Variants in CHRNA5 observed in about 807,000 individuals in gnomAD.
CHRNA5 encodes neuronal acetylcholine receptor subunit alpha-5.
A neutral mutation model predicts 41.2 loss-of-function variants in CHRNA5; 28 were observed. That is an observed-to-expected ratio of 0.68 (90% CI 0.50 to 0.93). CHRNA5 has a LOEUF of 0.93. Ranked by LOEUF, CHRNA5 falls within the 40% of genes least tolerant of loss-of-function variation. The pLI, the probability that CHRNA5 is intolerant of heterozygous loss-of-function variation, is 0.00. For synonymous variants in CHRNA5, 188 were observed against 205.8 expected (o/e 0.91, Z 0.74); for missense variants, 481 against 581.9 (o/e 0.83, Z 1.78).
chr15:78,584,449 A>C (rs929447076), intron 2 of CHRNA5, among the ~76,000 whole-genome samples: 1 of 152,066 alleles, frequency 6.6e-6, no homozygotes, highest in African/African-American at 2.4e-5. Flanking sequence ...TCCTCAGTTC[A>C]TTTTTGTTGC....
chr15:78,590,279 T>G (rs758285500), exon 5 of CHRNA5: 2 of 1,614,004 alleles, frequency 1.2e-6, no homozygotes, highest in East Asian at 4.5e-5. Context: ...CTGTCTTCCT[T>G]CTGGTTATTG....
intron 1 of CHRNA5, 81 bp downstream of exon 1, chr15:78,565,906 G>A (rs2052742712): frequency 2.3e-6 from 2 of 870,582 alleles, no homozygotes; most frequent in Non-Finnish European, 3.0e-6. Context: ...CCAGGCGACG[G>A]CCGCCGGAAA....
rs147994135 is a variant in CHRNA5 at position 78,576,140 on chromosome 15, T to G, written c.107-4671T>G. ...AGTCAAGTTTTTTGTTTTGTTTGTT[T>G]GTTTTTTTTTTTGTTGTTGTTTTTG... is the stretch of plus-strand genomic sequence containing the variant. On this transcript the variant is annotated intron_variant, in intron 1 of 5. Transcript: ENST00000299565. Among the ~76,000 whole-genome samples, 576 of 152,260 alleles carry G rather than the reference T, an allele frequency of 3.8e-3. 21 individuals carry two copies. In the East Asian group the frequency reaches 0.067, roughly 18 times the overall value.
chr15:78,584,491 C>T (rs541355485), intron 2 of CHRNA5, among the ~76,000 whole-genome samples: 1 of 152,300 alleles, frequency 6.6e-6, no homozygotes, highest in South Asian at 2.1e-4. Context: ...ATTATAGATG[C>T]TTGGGAGGTA....
intron 2 of CHRNA5, among the ~76,000 whole-genome samples, chr15:78,583,064 TAC>T (rs1454006077): frequency 6.6e-6 from 1 of 152,172 alleles, no homozygotes; most frequent in Non-Finnish European, 1.5e-5. Flanking sequence ...TGGTGCCCAT[TAC>T]ACTCACTGGT....
At chr15:78,567,204 G>A (rs1227402138) in intron 1 of CHRNA5, among the ~76,000 whole-genome samples, 3 of 150,286 alleles carry the variant, frequency 2.0e-5, no homozygotes, top group African/African-American at 7.4e-5. Context: ...AGTGAGCCGA[G>A]ATCGCGCCAC....
chr15:78,577,267 A>T (rs2052867301), intron 1 of CHRNA5, among the ~76,000 whole-genome samples: 1 of 152,154 alleles, frequency 6.6e-6, no homozygotes, highest in Admixed American at 6.5e-5. Context: ...TTGTAAAATG[A>T]GGGGATGCAT....
chr15:78,571,706 GAT>G (rs2052807242), intron 1 of CHRNA5, among the ~76,000 whole-genome samples: 1 of 151,370 alleles, frequency 6.6e-6, no homozygotes, highest in Admixed American at 6.6e-5. Flanking sequence ...GTCAGGGTAA[GAT>G]ATTAAGTTTA....
At chr15:78,576,653 G>A (rs2052859958) in intron 1 of CHRNA5, among the ~76,000 whole-genome samples, 1 of 151,842 alleles carries the variant, frequency 6.6e-6, no homozygotes. Context: ...GTGGTGGAAC[G>A]CACCTGTAGT....
At chr15:78,568,324 G>A (rs1292062270) in intron 1 of CHRNA5, among the ~76,000 whole-genome samples, 1 of 152,022 alleles carries the variant, frequency 6.6e-6, no homozygotes, top group African/African-American at 2.4e-5. Context: ...ATTTTAAACT[G>A]ACCTGTGATT....
chr15:78,589,947 A>G (rs779762437), exon 5 of CHRNA5: 2 of 1,614,194 alleles, frequency 1.2e-6, no homozygotes, highest in African/African-American at 1.3e-5. Context: ...GAACTGTTCC[A>G]TGAAATTTGG....
At chr15:78,582,398 C>T (rs1462021360) in intron 2 of CHRNA5, among the ~76,000 whole-genome samples, 4 of 151,510 alleles carry the variant, frequency 2.6e-5, no homozygotes, top group Middle Eastern at 3.4e-3. Flanking sequence ...ACAGGAGAAT[C>T]GTTTGAACCC....
rs758973811 is a variant in CHRNA5, at chr15:78,586,610, G to A, written c.259-35G>A. ...TTAAAGAATTATTGTTTCTGTAATT[G>A]AAATCAATCTTATTTAAATTTTTAT... On this transcript the variant is annotated intron_variant, in intron 2 of 5. Coordinates refer to ENST00000299565, the Ensembl canonical transcript of CHRNA5. 9.9e-6 allele frequency: 12 copies of A among 1,215,534 alleles called. No homozygotes were observed. In the African/African-American group the frequency reaches 1.4e-4, roughly 14 times the overall value. 75.3% of individuals were successfully genotyped at this position (1,215,534 alleles called of 1,614,324 possible). A position where few individuals can be genotyped will look rare whatever the true frequency, so the allele number is the denominator to read the frequency against.
At chr15:78,573,551 G>A (rs6495306) in intron 1 of CHRNA5, among the ~76,000 whole-genome samples, 97,805 of 152,054 alleles carry the variant, frequency 0.64, 31,900 homozygotes, top group East Asian at 0.82. Flanking sequence ...AAGATATCAC[G>A]TTAGGCTCTA....
chr15:78,593,105 G>A lies in CHRNA5; in HGVS notation c.1259G>A (p.Trp420Ter). Reference sequence around the variant, plus strand: ...TTTTCCTAACAGGTTGTTGAAGATTGGAAATTCATAGCCCAGGTTCTTGAT... The same window carrying A: ...TTTTCCTAACAGGTTGTTGAAGATTAGAAATTCATAGCCCAGGTTCTTGAT... Residue 420 changes from tryptophan to a stop codon, truncating the protein, a stop_gained, in exon 6 of 6, where the codon TGG becomes TAG. Coordinates refer to ENST00000299565, the Ensembl canonical transcript of CHRNA5. LOFTEE classifies it high-confidence loss of function. 1 of 1,603,724 alleles carries A rather than the reference G, an allele frequency of 6.2e-7. No individual in the cohort carries two copies. Among genetic ancestry groups the A allele is most frequent in the Middle Eastern group, 1.7e-4 (1 of 5,988 alleles).
At chr15:78,574,321 A>G (rs1364041506) in intron 1 of CHRNA5, among the ~76,000 whole-genome samples, 1 of 150,142 alleles carries the variant, frequency 6.7e-6, no homozygotes. Flanking sequence ...TGGAGGTTGC[A>G]GTGAGCCGAG....
intron 1 of CHRNA5, among the ~76,000 whole-genome samples, chr15:78,570,422 C>CTGTTTTTTTTTTTTTTTTTTTT (rs1567050748): frequency 1.5e-5 from 1 of 66,288 alleles, no homozygotes; most frequent in Non-Finnish European, 2.5e-5. Flanking sequence ...CCAATCCCGG[C>CTGTTTTTTTTTTTTTTTTTTTT]TATTTTTTTT....
chr15:78,574,207 C>G (rs1193243524), intron 1 of CHRNA5, among the ~76,000 whole-genome samples: 1 of 150,554 alleles, frequency 6.6e-6, no homozygotes, highest in Non-Finnish European at 1.5e-5. Context: ...ATGGAGAAAC[C>G]CCGTCTCTAC....
intron 2 of CHRNA5, among the ~76,000 whole-genome samples, 196 bp from the exon 3 acceptor site, chr15:78,586,449 T>C (rs10519205): frequency 0.039 from 6,005 of 152,226 alleles, 356 homozygotes; most frequent in African/African-American, 0.12. Flanking sequence ...TTATCTGAAA[T>C]AGAGAGTATG....
Sources: allele counts gnomAD v4.1 joint callset (sites outside exome capture counted in the v4.1 genomes callset), GRCh38; gene constraint gnomAD v4.1.1; transcripts MANE v1.5; gene names NCBI Gene and HGNC (gene_info 2026-07-23, HGNC 2026-07-21).